RBFOX1: variants seen among roughly 807,000 people sequenced by gnomAD.
RBFOX1 encodes the protein RNA binding fox-1 homolog 1.
In RBFOX1, 8 loss-of-function variants were observed where a neutral mutation model predicts 57.7. The ratio of observed to expected loss-of-function variants is 0.14; its 90% confidence interval spans 0.08 to 0.25. The LOEUF is 0.25. Ranked by LOEUF, RBFOX1 falls within the 10% of genes least tolerant of loss-of-function variation. The pLI, the probability that RBFOX1 is intolerant of heterozygous loss-of-function variation, is 1.00. For synonymous variants in RBFOX1, 326 were observed against 222.4 expected (o/e 1.47, Z -4.15); for missense variants, 611 against 548.5 (o/e 1.11, Z -1.14).
At chr16:5,492,185 C>G (rs1389140180) in intron 2 of RBFOX1, among the ~76,000 whole-genome samples, 2 of 152,204 alleles carry the variant, frequency 1.3e-5, no homozygotes, top group Non-Finnish European at 1.5e-5. Flanking sequence ...TATAAGAACC[C>G]TGAACTACCT....
chr16:5,786,970 T>C (rs547475751), intron 3 of RBFOX1, among the ~76,000 whole-genome samples: 2 of 152,260 alleles, frequency 1.3e-5, no homozygotes, highest in South Asian at 4.1e-4. Context: ...ACCCCATCTC[T>C]ACTAAAAACA....
chr16:7,368,588 C>G (rs893047030), intron 4 of RBFOX1, among the ~76,000 whole-genome samples: 3 of 151,842 alleles, frequency 2.0e-5, no homozygotes, highest in Admixed American at 6.6e-5. Context: ...ACCATCCTGG[C>G]TAACACGGTG....
intron 4 of RBFOX1, among the ~76,000 whole-genome samples, chr16:7,363,760 A>C (rs892133379): frequency 3.5e-4 from 54 of 152,120 alleles, no homozygotes; most frequent in African/African-American, 1.3e-3. Flanking sequence ...ATTCTTCTAT[A>C]GACGTTTGAG....
chr16:6,161,159 C>T (rs537927380), intron 1 of RBFOX1, among the ~76,000 whole-genome samples: 2 of 152,164 alleles, frequency 1.3e-5, no homozygotes, highest in African/African-American at 4.8e-5. Context: ...GAGGCCGAGG[C>T]GGGCAGATCA....
At chr16:6,276,615 T>C (rs2075826210) in intron 1 of RBFOX1, among the ~76,000 whole-genome samples, 1 of 152,188 alleles carries the variant, frequency 6.6e-6, no homozygotes, top group South Asian at 2.1e-4. Context: ...AGTGCTGGGA[T>C]TACAGGCATG....
At chr16:5,427,231 A>G (rs1460637405) in intron 1 of RBFOX1, among the ~76,000 whole-genome samples, 1 of 152,344 alleles carries the variant, frequency 6.6e-6, no homozygotes, top group South Asian at 2.1e-4. Context: ...ACCTGTGTAC[A>G]TCAAAAGAGA....
At chr16:6,490,047 A>G (rs2095596832) in intron 2 of RBFOX1, among the ~76,000 whole-genome samples, 1 of 152,180 alleles carries the variant, frequency 6.6e-6, no homozygotes, top group Non-Finnish European at 1.5e-5. Context: ...GTGATGGTGG[A>G]TGTGAGTACG....
chr16:6,095,312 G>T (rs1178151651), intron 1 of RBFOX1, among the ~76,000 whole-genome samples: 1 of 152,244 alleles, frequency 6.6e-6, no homozygotes, highest in African/African-American at 2.4e-5. Context: ...GGGTTTGTAA[G>T]TGACCAGGGG....
intron 3 of RBFOX1, among the ~76,000 whole-genome samples, chr16:5,803,152 C>G (rs918642334): frequency 1.2e-4 from 19 of 152,166 alleles, no homozygotes; most frequent in African/African-American, 4.3e-4. Flanking sequence ...TCCCTCCCCC[C>G]ATCCAAGAAA....
At chr16:6,114,942 C>T (rs1194428584) in intron 1 of RBFOX1, among the ~76,000 whole-genome samples, 1 of 152,116 alleles carries the variant, frequency 6.6e-6, no homozygotes, top group South Asian at 2.1e-4. Context: ...CTGACTTAGA[C>T]CATTTTCAGT....
chr16:6,691,818 AG>A (rs1429713974), intron 3 of RBFOX1, among the ~76,000 whole-genome samples: 63 of 152,208 alleles, frequency 4.1e-4, no homozygotes, highest in Admixed American at 3.9e-3. Context: ...TGTCATCCCA[AG>A]GGTCCTTGAA....
chr16:6,793,999 G>C (rs1455595078), intron 3 of RBFOX1, among the ~76,000 whole-genome samples: 1 of 152,128 alleles, frequency 6.6e-6, no homozygotes, highest in Non-Finnish European at 1.5e-5. Flanking sequence ...AACTCCACCG[G>C]ATTGCTTTAT....
At chr16:7,611,584 A>G (rs2057478060) in intron 10 of RBFOX1, among the ~76,000 whole-genome samples, 1 of 152,046 alleles carries the variant, frequency 6.6e-6, no homozygotes, top group Non-Finnish European at 1.5e-5. Context: ...TGTCTCAAAA[A>G]AAAAAAAAAA....
In RBFOX1 at chr16:5,246,064, C is replaced by T. The variant is rs112256519; in HGVS notation, c.219+5959C>T. Among the ~76,000 whole-genome samples the T allele has an allele frequency of 9.8e-3, 1,494 of 152,088 alleles. 30 individuals are homozygous for T. The highest frequency in any genetic ancestry group is 0.034 in the African/African-American group (1,421 of 41,472). On this transcript the variant is annotated intron_variant, in intron 1 of 2. Transcript: ENST00000585867. ...TTCAAGACCAGCCTGGCCAACATGG[C>T]GAAACTGTCTCTACTAAAAATACAA...
intron 3 of RBFOX1, among the ~76,000 whole-genome samples, chr16:5,848,509 C>T (rs1190911326): frequency 6.6e-6 from 1 of 152,128 alleles, no homozygotes; most frequent in Non-Finnish European, 1.5e-5. Context: ...AGAGACTGGC[C>T]TAGTTTGGAA....
intron 2 of RBFOX1, among the ~76,000 whole-genome samples, chr16:5,500,132 CCCTCCTT>C: frequency 7.2e-6 from 1 of 139,012 alleles, no homozygotes; most frequent in African/African-American, 2.7e-5. Flanking sequence ...TTCCCTCCTT[CCCTCCTT>C]CCCTCCTTCC....
chr16:7,160,432 G>A (rs188887804), intron 4 of RBFOX1, among the ~76,000 whole-genome samples: 29 of 151,026 alleles, frequency 1.9e-4, no homozygotes, highest in African/African-American at 3.6e-4. Flanking sequence ...TCCTTCTTTC[G>A]TAAGGTTGCA....
At chr16:7,033,387 G>A (rs527731720) in intron 3 of RBFOX1, among the ~76,000 whole-genome samples, 3 of 152,304 alleles carry the variant, frequency 2.0e-5, no homozygotes, top group African/African-American at 7.2e-5. Context: ...AGATGTGATG[G>A]CACATGCCTG....
rs368814096 is a variant in RBFOX1, at chr16:5,719,710, G to A, written c.318+120749G>A. Among the ~76,000 whole-genome samples the A allele has an allele frequency of 7.9e-5, 12 of 152,156 alleles. No homozygotes were observed. The East Asian group carries it at 1.7e-3, about 22-fold the overall frequency. ...TTTTTTGCTGAGCATAAATGTTGAA[G>A]CTTCATCTCTGCTGTAGCCTATGTC... On this transcript the variant is annotated intron_variant, in intron 3 of 19. Coordinates refer to the RBFOX1 transcript ENST00000641259.
Sources: allele counts gnomAD v4.1 joint callset (sites outside exome capture counted in the v4.1 genomes callset), GRCh38; gene constraint gnomAD v4.1.1; transcripts MANE v1.5; gene names NCBI Gene and HGNC (gene_info 2026-07-23, HGNC 2026-07-21).